Variants in ZNF236 observed in about 807,000 individuals in gnomAD.
The protein encoded by ZNF236 is regulated by glucose.
In ZNF236, 50 loss-of-function variants were observed where a neutral mutation model predicts 191.2. That is an observed-to-expected ratio of 0.26 (90% CI 0.21 to 0.33). ZNF236 has a LOEUF of 0.33. Ranked by LOEUF, ZNF236 falls within the 10% of genes least tolerant of loss-of-function variation. The pLI, the probability that ZNF236 is intolerant of heterozygous loss-of-function variation, is 1.00. For missense variants in ZNF236, 1,754 were observed against 2,374.5 expected (o/e 0.74, Z 5.43); for synonymous variants, 907 against 928.8 (o/e 0.98, Z 0.43).
intron 3 of ZNF236, among the ~76,000 whole-genome samples, chr18:76,865,360 A>C (rs1976377928): frequency 1.3e-5 from 2 of 151,964 alleles, no homozygotes; most frequent in South Asian, 4.2e-4. Context: ...AAAACAAAAC[A>C]AAAAAAACCT....
chr18:76,858,057 A>G (rs1976097949), intron 3 of ZNF236, among the ~76,000 whole-genome samples: 2 of 152,070 alleles, frequency 1.3e-5, no homozygotes, highest in African/African-American at 4.8e-5. Context: ...AAAGCGATGC[A>G]TTTGTGTGTG....
chr18:76,822,806 C>A (rs1974891984), intron 1 of ZNF236, 144 bp downstream of exon 1: 1 of 145,796 alleles, frequency 6.9e-6, no homozygotes. Flanking sequence ...CCGCCGCCGC[C>A]GACTGGCCGG....
At chr18:76,918,642 G>T (rs1025763110) in intron 19 of ZNF236, among the ~76,000 whole-genome samples, 7 of 152,042 alleles carry the variant, frequency 4.6e-5, no homozygotes, top group African/African-American at 1.7e-4. Flanking sequence ...TGCCTAGGAG[G>T]TCTTGAACTT....
In ZNF236 at chr18:76,927,603, G is replaced by A. The variant is rs909920272; in HGVS notation, c.4414+86G>A. ...TACATATTTGAATTTAGGATGTTAT[G>A]ATGTCATTTTCTTCTCTTTGTAGAA... On this transcript the variant is annotated intron_variant, in intron 24 of 30. Coordinates refer to ENST00000320610, the MANE Select transcript of ZNF236 (RefSeq NM_001306089.2). The surrounding 1 kb of genome is among the most constrained non-coding windows in gnomAD (Gnocchi z 5.4). 1.3e-6 allele frequency: 2 copies of A among 1,494,062 alleles called. No homozygotes were observed. The highest frequency in any genetic ancestry group is 1.8e-6 in the Non-Finnish European group (2 of 1,116,612). The allele number at this position is 1,494,062 out of a possible 1,614,324, so 92.6% of individuals were successfully genotyped here.
At chr18:76,939,497 G>T (rs1025915458) in intron 26 of ZNF236, among the ~76,000 whole-genome samples, 2 of 152,184 alleles carry the variant, frequency 1.3e-5, no homozygotes, top group Admixed American at 1.3e-4. Flanking sequence ...GAAGCCCCCT[G>T]AGGTCTGGGG....
At position 76,880,487 on chromosome 18, in the gene ZNF236, G is replaced by A. The variant is rs576320678; in HGVS notation, c.1188+171G>A. ...GCCTACTTAATTGCTTATGGACGGC[G>A]CAACATTCAAATGATTTATTCATCT... is the stretch of plus-strand genomic sequence containing the variant. On this transcript the variant is annotated intron_variant, in intron 8 of 30. Transcript: ENST00000320610. This position sits in a 1 kb window ranked among gnomAD's most constrained non-coding sequence, Gnocchi z 5.0. Among the ~76,000 whole-genome samples the A allele has an allele frequency of 2.6e-5, 4 of 151,914 alleles. No homozygotes were observed. Among genetic ancestry groups the A allele is most frequent in the South Asian group, 2.1e-4 (1 of 4,800 alleles).
In ZNF236 at chr18:76,904,369, T is replaced by C; in HGVS notation, c.1895-11T>C. ...ACAGTGAATTACATCTGCTTTTCTT[T>C]TGCTTTGTAGGTCTCATCCAGCCCA... On this transcript the variant is annotated splice_polypyrimidine_tract_variant and intron_variant, in intron 11 of 30. Coordinates refer to ENST00000320610, the MANE Select transcript of ZNF236 (RefSeq NM_001306089.2). 1 of 1,587,896 alleles carries C rather than the reference T, an allele frequency of 6.3e-7. No homozygotes were observed. Among genetic ancestry groups the C allele is most frequent in the Non-Finnish European group, 8.6e-7 (1 of 1,169,468 alleles).
At chr18:76,928,301 T>C (rs999548575) in intron 25 of ZNF236, among the ~76,000 whole-genome samples, 195 bp downstream of exon 25, 1 of 152,246 alleles carries the variant, frequency 6.6e-6, no homozygotes, top group African/African-American at 2.4e-5. Flanking sequence ...TGAAAAATTA[T>C]AGTTTCTCAT....
intron 25 of ZNF236, among the ~76,000 whole-genome samples, chr18:76,934,010 A>G (rs1420230079): frequency 6.6e-6 from 1 of 152,234 alleles, no homozygotes; most frequent in East Asian, 1.9e-4. Flanking sequence ...TTCTAAGGTA[A>G]ACACTCAAAA....
At position 76,925,511 on chromosome 18, in the gene ZNF236, A is replaced by G; in HGVS notation, c.3984A>G (p.Gln1328=). The change falls in exon 22 of 31, where the codon CAA becomes CAG. Residue 1328 remains glutamine (Q), a synonymous_variant. Transcript: ENST00000320610. This position sits in a 1 kb window ranked among gnomAD's most constrained non-coding sequence, Gnocchi z 5.7. ...LTGQFDQNLL[Q]PGLVGQAILP... ...GACAGTTTGATCAGAATCTGCTGCA[A>G]CCAGGACTGGTGGGCCAAGCTATTC... 3 of 1,614,030 alleles carry G rather than the reference A, an allele frequency of 1.9e-6. No homozygotes were observed. The highest frequency in any genetic ancestry group is 2.5e-6 in the Non-Finnish European group (3 of 1,180,030).
intron 21 of ZNF236, among the ~76,000 whole-genome samples, chr18:76,924,456 G>A (rs980504529): frequency 1.3e-5 from 2 of 152,210 alleles, no homozygotes; most frequent in Non-Finnish European, 2.9e-5. Flanking sequence ...GCGGCGTTGG[G>A]ATAGCAGGTT....
chr18:76,831,912 G>A (rs1236926770), intron 1 of ZNF236, among the ~76,000 whole-genome samples: 14 of 152,016 alleles, frequency 9.2e-5, no homozygotes, highest in Non-Finnish European at 1.5e-5. Flanking sequence ...CTCTGGATGA[G>A]TTTTTTATAG....
At chr18:76,893,775 A>G (rs1977317992) in intron 9 of ZNF236, among the ~76,000 whole-genome samples, 1 of 152,210 alleles carries the variant, frequency 6.6e-6, no homozygotes, top group Admixed American at 6.5e-5. Context: ...GGCCTCTCAG[A>G]GTGTTGGGAT....
At chr18:76,840,499 A>G (rs1394228466) in intron 1 of ZNF236, among the ~76,000 whole-genome samples, 1 of 152,136 alleles carries the variant, frequency 6.6e-6, no homozygotes, top group Non-Finnish European at 1.5e-5. Flanking sequence ...TGTCTCAAAA[A>G]AAAAAGAAAA....
intron 1 of ZNF236, among the ~76,000 whole-genome samples, chr18:76,825,081 C>T (rs931325038): frequency 6.6e-6 from 1 of 152,228 alleles, no homozygotes; most frequent in South Asian, 2.1e-4. Flanking sequence ...TCTTTCCTTG[C>T]TCTGGCATGC....
chr18:76,956,173 G>A lies in ZNF236; in HGVS notation c.5103G>A (p.Thr1701=), dbSNP rs80108417. Residue 1701 remains threonine (T), a synonymous_variant, in exon 28 of 31, where the codon ACG becomes ACA. Coordinates refer to ENST00000320610, the MANE Select transcript of ZNF236 (RefSeq NM_001306089.2). ...PVCRKAFKRA[T]HLKEHMQTHQ... is the part of the protein sequence containing the mutation. ...GCAGGAAGGCCTTCAAGCGCGCCAC[G>A]CACCTCAAGGTAGGCCCACTGTGCC... The A allele has an allele frequency of 2.4e-3, 3,689 of 1,548,592 alleles. 66 individuals are homozygous for A. The African/African-American group carries it at 0.041, about 17-fold the overall frequency.
chr18:76,934,287 A>C (rs1229281431), intron 25 of ZNF236, among the ~76,000 whole-genome samples: 1 of 152,220 alleles, frequency 6.6e-6, no homozygotes, highest in Non-Finnish European at 1.5e-5. Context: ...GCAGGAGTTG[A>C]AGACTATTTC....
Position 76,875,276 on chromosome 18 carries a change from A to G in ZNF236, c.668-216A>G, listed in dbSNP as rs1976681409. 6.6e-6 allele frequency among the ~76,000 whole-genome samples: 1 copy of G among 152,162 alleles called. No homozygotes were observed. The highest frequency in any genetic ancestry group is 2.1e-4 in the South Asian group (1 of 4,830). On this transcript the variant is annotated intron_variant, in intron 5 of 30. Transcript: ENST00000320610. This position sits in a 1 kb window ranked among gnomAD's most constrained non-coding sequence, Gnocchi z 4.3. ...CTGGAAGGATGGCATTGCCTGGGGA[A>G]GCCCACAGGTGGAGCAGTTTGCGAG...
At position 76,919,994 on chromosome 18, in the gene ZNF236, C is replaced by A. The variant is rs1378015976; in HGVS notation, c.3493C>A (p.Pro1165Thr). ...CAAGCAGGCGGAGCTGCAGGACGAGCCCAAGCACGCCAACTGCTGCACATA... is the reference window on the plus strand; with the variant it reads ...CAAGCAGGCGGAGCTGCAGGACGAGACCAAGCACGCCAACTGCTGCACATA... The part of the protein sequence containing the change: ...RDKQAELQDE[P>T]KHANCCTYCP... Residue 1165 changes from proline to threonine, a missense_variant, in exon 20 of 31, where the codon CCC becomes ACC. By Grantham distance (38) the Pro-to-Thr change is conservative (BLOSUM62 -1). Coordinates refer to ENST00000320610, the MANE Select transcript of ZNF236 (RefSeq NM_001306089.2). The surrounding 1 kb of genome is among the most constrained non-coding windows in gnomAD (Gnocchi z 5.3). 1.9e-6 allele frequency: 3 copies of A among 1,613,418 alleles called. No individual in the cohort carries two copies. In the Admixed American group the frequency reaches 5.0e-5, roughly 27 times the overall value.
Sources: gnomAD v4.1 joint callset for allele counts (sites outside exome capture counted in the v4.1 genomes callset) on GRCh38, gnomAD v4.1.1 for gene constraint, Gnocchi (gnomAD v3.1) non-coding constraint, MANE v1.5 for transcripts, NCBI Gene and HGNC (gene_info 2026-07-23, HGNC 2026-07-21) for gene names.